The following CCNB3 variants were observed in gnomAD, a reference collection of about 807,000 sequenced individuals.
CCNB3 encodes the protein G2/mitotic-specific cyclin-B3.
In CCNB3, 12 loss-of-function variants were observed where a neutral mutation model predicts 68.0. The ratio of observed to expected loss-of-function variants is 0.18; its 90% CI spans 0.11 to 0.29. The LOEUF is 0.29. Among genes scored for constraint, CCNB3 ranks in the 10% least tolerant of loss-of-function variants. The pLI is 1.00. For synonymous variants in CCNB3, 354 were observed against 388.9 expected (o/e 0.91, Z 1.06); for missense variants, 904 against 993.1 (o/e 0.91, Z 1.21).
At chrX:50,312,768 C>T in intron 7 of CCNB3, 136 bp downstream of exon 7, 1 of 455,532 alleles carries the variant, frequency 2.2e-6, no homozygotes, top group Non-Finnish European at 3.9e-6. Context: ...ATATTGGTAG[C>T]TTACTGTGAG....
At chrX:50,317,565 A>ATGTATGTATGTATGTG (rs1326550235) in intron 8 of CCNB3, among the ~76,000 whole-genome samples, 2 of 107,564 alleles carry the variant, frequency 1.9e-5, no homozygotes, top group East Asian at 2.9e-4. Context: ...GTATGTATGT[A>ATGTATGTATGTATGTG]TGTATTTATT....
At chrX:50,305,525 G>A (rs1353111875) in intron 5 of CCNB3, among the ~76,000 whole-genome samples, 2 of 110,687 alleles carry the variant, frequency 1.8e-5, no homozygotes, top group East Asian at 5.7e-4. Flanking sequence ...GAAGAGGGGA[G>A]GGATAGCATT....
rs1557215008 is a variant in CCNB3, at chrX:50,311,464, G to A, written c.3295G>A (p.Val1099Ile). ...ATGTGAATCTGCTTCTGATAAACCTGTCTCACCACAGGCCAAGGGAACACC... is the reference window on the plus strand; with the variant it reads ...ATGTGAATCTGCTTCTGATAAACCTATCTCACCACAGGCCAAGGGAACACC... ...SACESASDKP[V>I]SPQAKGTPKE... The change falls in exon 6 of 13, where the codon GTC (valine) becomes ATC (isoleucine). Residue 1099 changes from valine (V) to isoleucine (I), a missense_variant. By Grantham distance (29) the Val-to-Ile change is conservative. Around this residue, in one of 2 missense-constraint regions of CCNB3, gnomAD observed 285 missense variants for 383.4 expected, o/e 0.74. Transcript: ENST00000376042. 4 of 1,208,359 alleles carry A rather than the reference G, an allele frequency of 3.3e-6. No homozygotes were observed. Among genetic ancestry groups the A allele is most frequent in the Non-Finnish European group, 4.5e-6 (4 of 893,795 alleles).
In CCNB3 at chrX:50,331,547, C is replaced by T. The variant is rs371677430; in HGVS notation, c.3517-10655C>T. Among the ~76,000 whole-genome samples, 18 of 111,177 alleles carry T rather than the reference C, an allele frequency of 1.6e-4. No individual in the cohort carries two copies. The East Asian group carries it at 2.0e-3, about 12-fold the overall frequency. On this transcript the variant is annotated intron_variant, in intron 8 of 12. Transcript: ENST00000376042. The stretch of plus-strand genomic sequence containing the variant: ...AATTATCAGGGTGATTCTTCTGAGC[C>T]GGGAATTAATCAGGAACTGGGTCTG...
At chrX:50,304,988 T>G (rs1423413643) in intron 5 of CCNB3, among the ~76,000 whole-genome samples, 1 of 111,463 alleles carries the variant, frequency 9.0e-6, no homozygotes, top group African/African-American at 3.3e-5. Context: ...TGGCGATCAT[T>G]AAAAAGTCAG....
intron 8 of CCNB3, 27 bp from the exon 9 acceptor site, chrX:50,342,175 A>G: frequency 8.3e-7 from 1 of 1,209,827 alleles, no homozygotes; most frequent in African/African-American, 1.7e-5. Context: ...CAATATGCAG[A>G]TCTGTGTCGT....
At position 50,331,135 on chromosome X, in the gene CCNB3, C is replaced by T. The variant is rs902660679; in HGVS notation, c.3517-11067C>T. On this transcript the variant is annotated intron_variant, in intron 8 of 12. Transcript: ENST00000376042. ...TCCTATAGCTATGCTTCTCTTTTTG[C>T]GGGAAGCATGGACAGAGGGCAGCCC... Among the ~76,000 whole-genome samples the T allele has an allele frequency of 2.7e-5, 3 of 111,438 alleles. No homozygotes were observed. In the Admixed American group the frequency reaches 2.9e-4, roughly 11 times the overall value.
chrX:50,281,204 G>C (rs1314768524), intron 1 of CCNB3, among the ~76,000 whole-genome samples: 1 of 111,578 alleles, frequency 9.0e-6, no homozygotes, highest in Non-Finnish European at 1.9e-5. Context: ...ACCCCTTCCT[G>C]TTAGGCTTTC....
At chrX:50,279,574 A>G (rs1357012236) in intron 1 of CCNB3, among the ~76,000 whole-genome samples, 3 of 87,538 alleles carry the variant, frequency 3.4e-5, no homozygotes, top group Non-Finnish European at 6.4e-5. Context: ...TATATTTTCT[A>G]TATATAAATA....
chrX:50,336,151 A>G (rs1048810429), intron 8 of CCNB3, among the ~76,000 whole-genome samples: 10 of 112,009 alleles, frequency 8.9e-5, no homozygotes, highest in Non-Finnish European at 3.8e-5. Flanking sequence ...AGCCAGATTG[A>G]ACAAAGCTCC....
chrX:50,296,284 C>T (rs1401871046), intron 5 of CCNB3, among the ~76,000 whole-genome samples: 1 of 87,792 alleles, frequency 1.1e-5, no homozygotes, highest in Admixed American at 1.3e-4. Context: ...CCCTCTCCCC[C>T]GACCCCACAA....
At chrX:50,214,477 T>TATATATATATATATATAA (rs1935532536) in intron 1 of CCNB3, among the ~76,000 whole-genome samples, 1 of 45,363 alleles carries the variant, frequency 2.2e-5, no homozygotes, top group Non-Finnish European at 4.0e-5. Flanking sequence ...CTGTGGCCCA[T>TATATATATATATATATAA]ATATATATAT....
At position 50,309,619 on chromosome X, in the gene CCNB3, C is replaced by T. The variant is rs1921291550; in HGVS notation, c.1450C>T (p.Pro484Ser). ...TKKCTIEEAP[P>S]TKKPLILKRK... The stretch of plus-strand genomic sequence containing the variant: ...GAAGTGTACCATTGAGGAGGCACCC[C>T]CCACCAAGAAGCCTTTAATTTTAAA... Residue 484 changes from proline (P) to serine (S), a missense_variant, in exon 6 of 13, where the codon CCC becomes TCC. Around this residue, in one of 2 missense-constraint regions of CCNB3, gnomAD observed 619 missense variants for 609.8 expected, o/e 1.02. Transcript: ENST00000376042. The T allele has an allele frequency of 8.3e-7, 1 of 1,210,839 alleles. No individual in the cohort carries two copies. Among genetic ancestry groups the T allele is most frequent in the South Asian group, 1.8e-5 (1 of 56,856 alleles).
chrX:50,346,682 G>A lies in CCNB3; in HGVS notation c.3685G>A (p.Val1229Met). 2 of 1,211,030 alleles carry A rather than the reference G, an allele frequency of 1.7e-6. No individual in the cohort carries two copies. Among genetic ancestry groups the A allele is most frequent in the Non-Finnish European group, 2.2e-6 (2 of 895,072 alleles). The change falls in exon 10 of 13, where the codon GTG becomes ATG. Residue 1229 changes from valine (V) to methionine (M), a missense_variant. Val to Met is a conservative substitution (Grantham distance 21). Coordinates refer to ENST00000376042, the MANE Select transcript of CCNB3 (RefSeq NM_033031.3). ...CAACTCACCTCGTGTGGATGACTTT[G>A]TGTACATCTGTGATGATAATTATCA... Reference protein sequence around the residue: ...EHNSPRVDDFVYICDDNYQRS... With the variant: ...EHNSPRVDDFMYICDDNYQRS...
In CCNB3 at chrX:50,311,417, G is replaced by A; in HGVS notation, c.3248G>A (p.Arg1083Lys). Residue 1083 changes from arginine (R) to lysine (K), a missense_variant, in exon 6 of 13, where the codon AGG becomes AAG. Coordinates refer to ENST00000376042, the MANE Select transcript of CCNB3 (RefSeq NM_033031.3). ...ACCATGACCAGCGTGGGCAAGTCCA[G>A]GACCACCACCGAGTCCAGTGCATGT... ...IATMTSVGKSRTTTESSACES... is the reference protein window; with the variant it reads ...IATMTSVGKSKTTTESSACES... The A allele has an allele frequency of 8.3e-7, 1 of 1,210,865 alleles. No individual in the cohort carries two copies. The highest frequency in any genetic ancestry group is 1.1e-6 in the Non-Finnish European group (1 of 895,310).
intron 1 of CCNB3, among the ~76,000 whole-genome samples, chrX:50,214,139 G>T: frequency 9.1e-6 from 1 of 110,248 alleles, no homozygotes; most frequent in South Asian, 3.9e-4. Flanking sequence ...CTGTTGTACA[G>T]CAGATCTGTA....
chrX:50,342,315 C>T lies in CCNB3; in HGVS notation c.3630C>T (p.Ala1210=), dbSNP rs371386947. 19 of 1,197,050 alleles carry T rather than the reference C, an allele frequency of 1.6e-5. No homozygotes were observed. Among genetic ancestry groups the T allele is most frequent in the Middle Eastern group, 4.7e-4 (2 of 4,296 alleles). The change falls in exon 9 of 13, where the codon GCC becomes GCT. Residue 1210 remains alanine, a synonymous_variant. Coordinates refer to ENST00000376042, the MANE Select transcript of CCNB3 (RefSeq NM_033031.3). ...AGTTACAACTCCTTGGTGCCACTGC[C>T]TTTATGATTGCAGCAAAATTTGAGG... ...KDKLQLLGAT[A]FMIAAKFEEH...
chrX:50,346,328 T>C (rs1923401553), intron 9 of CCNB3, among the ~76,000 whole-genome samples: 1 of 112,082 alleles, frequency 8.9e-6, no homozygotes, highest in Non-Finnish European at 1.9e-5. Context: ...ATTTCAACAT[T>C]CGTGGTTCTC....
intron 1 of CCNB3, among the ~76,000 whole-genome samples, chrX:50,216,944 A>G (rs1935582000): frequency 9.1e-6 from 1 of 110,321 alleles, no homozygotes; most frequent in African/African-American, 3.3e-5. Flanking sequence ...CTTCCTTTAC[A>G]TCTCTTTATC....
Sources: gnomAD v4.1 joint callset for allele counts (sites outside exome capture counted in the v4.1 genomes callset) on GRCh38, gnomAD v4.1.1 for gene constraint, gnomAD v4.1.1 regional missense constraint, MANE v1.5 for transcripts, NCBI Gene and HGNC (gene_info 2026-07-23, HGNC 2026-07-21) for gene names.